Variants in KIRREL3 observed in about 807,000 individuals in gnomAD.
The protein encoded by KIRREL3 is kirre like nephrin family adhesion molecule 3.
KIRREL3 carries 36 observed loss-of-function variants against 89.7 expected under a neutral mutation model. The observed-to-expected ratio is 0.40, with a 90% CI of 0.31 to 0.53. The LOEUF (loss-of-function observed/expected upper bound fraction) is 0.53, where lower values mean the gene tolerates loss of function less well. KIRREL3 is among the 20% of genes least tolerant of loss of function. The probability of loss-of-function intolerance (pLI) is 0.49; values close to 1 mark genes in which losing one functional copy is unlikely to be tolerated. For missense variants in KIRREL3, 864 were observed against 1,056.6 expected, an observed-to-expected ratio of 0.82 and a Z score of 2.53; for synonymous variants, 445 against 441.4, an observed-to-expected ratio of 1.01 and a Z score of -0.10.
In KIRREL3 at chr11:126,640,644, C is replaced by T. The variant is rs1292760567; in HGVS notation, c.56-77732G>A. On this transcript the variant is annotated intron_variant, in intron 1 of 16. Transcript: ENST00000525144. This position sits in a 1 kb window ranked among gnomAD's most constrained non-coding sequence, Gnocchi z 4.9. ...CTTACAGCATGGTCTTAAAGAGACA[C>T]CCTCTCATATTACTTGCTGCTGTTT... 1.3e-5 allele frequency among the ~76,000 whole-genome samples: 2 copies of T among 152,010 alleles called. No individual in the cohort carries two copies. Among genetic ancestry groups the T allele is most frequent in the Non-Finnish European group, 2.9e-5 (2 of 68,018 alleles).
At chr11:126,823,232 C>G (rs1340981539) in intron 1 of KIRREL3, among the ~76,000 whole-genome samples, 1 of 152,164 alleles carries the variant, frequency 6.6e-6, no homozygotes, top group African/African-American at 2.4e-5. Flanking sequence ...CTTTCATATA[C>G]TTGATGTCTT....
rs1230829101 is a variant in KIRREL3 at position 126,812,181 on chromosome 11, TAAG to T, written c.55+188271_55+188273del. ...TAACCCATTCTTTCTATTGTGATCATAAGAAGAAGAAGGCCAAAGGATCATTAA... is the reference window on the plus strand; with the variant it reads ...TAACCCATTCTTTCTATTGTGATCATAAGAAGAAGGCCAAAGGATCATTAA... On this transcript the variant is annotated intron_variant, in intron 1 of 16. Transcript: ENST00000525144. The surrounding 1 kb of genome is among the most constrained non-coding windows in gnomAD (Gnocchi z 5.2). Among the ~76,000 whole-genome samples the T allele has an allele frequency of 3.3e-5, 5 of 152,312 alleles. No homozygotes were observed. Among genetic ancestry groups the T allele is most frequent in the East Asian group, 1.9e-4 (1 of 5,184 alleles).
intron 4 of KIRREL3, among the ~76,000 whole-genome samples, chr11:126,481,896 T>C (rs1448151971): frequency 1.3e-5 from 2 of 152,238 alleles, no homozygotes; most frequent in East Asian, 1.9e-4. Context: ...CATTGCCATC[T>C]AAATAGTCTG....
intron 1 of KIRREL3, among the ~76,000 whole-genome samples, chr11:126,693,927 C>A (rs1429101877): frequency 1.3e-5 from 2 of 152,220 alleles, no homozygotes; most frequent in Non-Finnish European, 2.9e-5. Flanking sequence ...AGATCCCACC[C>A]CTGTCTGCCC....
chr11:126,868,094 G>C (rs1008769842), intron 1 of KIRREL3, among the ~76,000 whole-genome samples: 1 of 151,630 alleles, frequency 6.6e-6, no homozygotes, highest in African/African-American at 2.4e-5. Context: ...GGGTGGGAGA[G>C]CATAGCCAGT....
chr11:126,513,975 C>T lies in KIRREL3; in HGVS notation c.433+7340G>A, dbSNP rs1167276538. 6.6e-6 allele frequency among the ~76,000 whole-genome samples: 1 copy of T among 152,142 alleles called. No individual in the cohort carries two copies. Among genetic ancestry groups the T allele is most frequent in the Non-Finnish European group, 1.5e-5 (1 of 68,024 alleles). On this transcript the variant is annotated intron_variant, in intron 4 of 16. Coordinates refer to ENST00000525144, the MANE Select transcript of KIRREL3 (RefSeq NM_032531.4). This position sits in a 1 kb window ranked among gnomAD's most constrained non-coding sequence, Gnocchi z 5.9. ...AGCTCTGCTCACTTTATCACCTGCC[C>T]AGCAGGTGAGCTCCGAGTTAGATGG...
rs1218384248 is a variant in KIRREL3, at chr11:126,736,721, C to A, written c.56-173809G>T. On this transcript the variant is annotated intron_variant, in intron 1 of 16. Transcript: ENST00000525144. The surrounding 1 kb of genome is among the most constrained non-coding windows in gnomAD (Gnocchi z 5.0). Reference sequence around the variant, plus strand: ...CGTCATTCGTGCTGAGGTTGAGAAACCCTGGTCTAGACCAATCTCCTGATT... The same window carrying A: ...CGTCATTCGTGCTGAGGTTGAGAAAACCTGGTCTAGACCAATCTCCTGATT... 6.6e-6 allele frequency among the ~76,000 whole-genome samples: 1 copy of A among 152,166 alleles called. No homozygotes were observed. Among genetic ancestry groups the A allele is most frequent in the African/African-American group, 2.4e-5 (1 of 41,422 alleles).
chr11:126,787,912 T>G (rs1950528700), intron 1 of KIRREL3, among the ~76,000 whole-genome samples: 1 of 152,206 alleles, frequency 6.6e-6, no homozygotes, highest in Middle Eastern at 3.2e-3. Context: ...AGTTTGTATT[T>G]ATCAAATATC....
rs1944232718 is a variant in KIRREL3 at position 126,635,590 on chromosome 11, G to GC, written c.56-72679dup. Among the ~76,000 whole-genome samples the GC allele has an allele frequency of 1.3e-5, 2 of 152,072 alleles. No individual in the cohort carries two copies. The highest frequency in any genetic ancestry group is 1.5e-5 in the Non-Finnish European group (1 of 68,016). On this transcript the variant is annotated intron_variant, in intron 1 of 16. Coordinates refer to ENST00000525144, the MANE Select transcript of KIRREL3 (RefSeq NM_032531.4). This position sits in a 1 kb window ranked among gnomAD's most constrained non-coding sequence, Gnocchi z 4.0. Reference sequence around the variant, plus strand: ...TCCCATTGTACACCCCCAGCAACGAGCCCCCCTGCCAGCCCAGAGTAACCA... The same window carrying GC: ...TCCCATTGTACACCCCCAGCAACGAGCCCCCCCTGCCAGCCCAGAGTAACCA...
In KIRREL3 at chr11:126,605,837, G is replaced by C. The variant is rs922169404; in HGVS notation, c.56-42925C>G. Reference sequence around the variant, plus strand: ...GGTCCCTCTTGGGAGTTAAGCAGAGGGAGTCCTCTCATTGCATCTTTCCTC... The same window carrying C: ...GGTCCCTCTTGGGAGTTAAGCAGAGCGAGTCCTCTCATTGCATCTTTCCTC... On this transcript the variant is annotated intron_variant, in intron 1 of 16. Coordinates refer to ENST00000525144, the MANE Select transcript of KIRREL3 (RefSeq NM_032531.4). This position sits in a 1 kb window ranked among gnomAD's most constrained non-coding sequence, Gnocchi z 5.7. 1.3e-5 allele frequency among the ~76,000 whole-genome samples: 2 copies of C among 152,194 alleles called. No individual in the cohort carries two copies. The highest frequency in any genetic ancestry group is 4.8e-5 in the African/African-American group (2 of 41,448).
chr11:126,603,864 G>A (rs1942770164), intron 1 of KIRREL3, among the ~76,000 whole-genome samples: 1 of 152,196 alleles, frequency 6.6e-6, no homozygotes. Context: ...CCGATACAAG[G>A]CTTTTTACCC....
intron 1 of KIRREL3, among the ~76,000 whole-genome samples, chr11:126,952,748 T>C (rs1308157776): frequency 6.6e-6 from 1 of 152,182 alleles, no homozygotes; most frequent in East Asian, 1.9e-4. Context: ...AATTTTTGTA[T>C]ATGGTGTAAG....
rs532437938 is a variant in KIRREL3, at chr11:126,719,238, A to G, written c.56-156326T>C. ...GAAACGGCTTCTTCCTAAATTACCAATGACTCCATGTTGACAAATCCAATG... is the reference window on the plus strand; with the variant it reads ...GAAACGGCTTCTTCCTAAATTACCAGTGACTCCATGTTGACAAATCCAATG... On this transcript the variant is annotated intron_variant, in intron 1 of 16. Coordinates refer to ENST00000525144, the MANE Select transcript of KIRREL3 (RefSeq NM_032531.4). The surrounding 1 kb of genome is among the most constrained non-coding windows in gnomAD (Gnocchi z 4.7). Among the ~76,000 whole-genome samples the G allele has an allele frequency of 1.6e-4, 25 of 152,252 alleles. No individual in the cohort carries two copies. Among genetic ancestry groups the G allele is most frequent in the African/African-American group, 5.1e-4 (21 of 41,544 alleles).
At position 126,436,956 on chromosome 11, in the gene KIRREL3, C is replaced by G. The variant is rs373003704; in HGVS notation, c.1407G>C (p.Thr469=). 2 of 1,599,390 alleles carry G rather than the reference C, an allele frequency of 1.3e-6. No individual in the cohort carries two copies. Among genetic ancestry groups the G allele is most frequent in the South Asian group, 1.1e-5 (1 of 89,968 alleles). The part of the protein sequence containing the change: ...VLESGTSGRY[T]VETISTEEGV... ...CCTCCTCGGTGCTGATGGTCTCCACCGTATAGCGCCCCGATGTGCCCGACT... is the reference window on the plus strand; with the variant it reads ...CCTCCTCGGTGCTGATGGTCTCCACGGTATAGCGCCCCGATGTGCCCGACT... Residue 469 remains threonine (T), a synonymous_variant, in exon 12 of 17, where the codon ACG becomes ACC. Coordinates refer to ENST00000525144, the MANE Select transcript of KIRREL3 (RefSeq NM_032531.4).
intron 4 of KIRREL3, among the ~76,000 whole-genome samples, chr11:126,481,860 C>T (rs1039093494): frequency 5.9e-5 from 9 of 152,196 alleles, no homozygotes; most frequent in Non-Finnish European, 1.2e-4. Flanking sequence ...TAGCATTCCT[C>T]TGTTTCAAAT....
In KIRREL3 at chr11:126,923,098, T is replaced by TCTTCTCCTTCTCCTTCTCCTTCTTCTC. The variant is rs1565422266; in HGVS notation, c.55+77356_55+77357insGAGAAGAAGGAGAAGGAGAAGGAGAAG. Among the ~76,000 whole-genome samples, 71 of 89,148 alleles carry TCTTCTCCTTCTCCTTCTCCTTCTTCTC rather than the reference T, an allele frequency of 8.0e-4. 1 individual carries two copies. Among genetic ancestry groups the TCTTCTCCTTCTCCTTCTCCTTCTTCTC allele is most frequent in the East Asian group, 2.1e-3 (8 of 3,752 alleles). The allele number at this position is 89,148 out of a possible 152,430, so 58.5% of individuals were successfully genotyped here. A position where few individuals can be genotyped will look rare whatever the true frequency, so the allele number is the denominator to read the frequency against. ...CTTGCCTTGTGGATCTTCTTCTTCT[T>TCTTCTCCTTCTCCTTCTCCTTCTTCTC]CTTCTCCTTCTCCTTCTCCTTCTCC... On this transcript the variant is annotated intron_variant, in intron 1 of 16. Coordinates refer to ENST00000525144, the MANE Select transcript of KIRREL3 (RefSeq NM_032531.4).
chr11:126,601,985 A>G lies in KIRREL3; in HGVS notation c.56-39073T>C, dbSNP rs892742294. Among the ~76,000 whole-genome samples the G allele has an allele frequency of 6.6e-6, 1 of 152,322 alleles. No individual in the cohort carries two copies. Among genetic ancestry groups the G allele is most frequent in the South Asian group, 2.1e-4 (1 of 4,828 alleles). On this transcript the variant is annotated intron_variant, in intron 1 of 16. Coordinates refer to ENST00000525144, the MANE Select transcript of KIRREL3 (RefSeq NM_032531.4). This position sits in a 1 kb window ranked among gnomAD's most constrained non-coding sequence, Gnocchi z 5.8. ...TTGATTTGCCTGACAGAGTCACAGAAGCTGACCGCTGCGAGGCAGGGGCTG... is the reference window on the plus strand; with the variant it reads ...TTGATTTGCCTGACAGAGTCACAGAGGCTGACCGCTGCGAGGCAGGGGCTG...
rs188753776 is a variant in KIRREL3 at position 126,425,509 on chromosome 11, C to T, written c.1893+129G>A. 6 of 807,452 alleles carry T rather than the reference C, an allele frequency of 7.4e-6. No individual in the cohort carries two copies. In the Admixed American group the frequency reaches 1.1e-4, roughly 15 times the overall value. 50.0% of individuals were successfully genotyped at this position (807,452 alleles called of 1,614,324 possible). On this transcript the variant is annotated intron_variant, in intron 16 of 16. Coordinates refer to ENST00000525144, the MANE Select transcript of KIRREL3 (RefSeq NM_032531.4). ...TGCCTTAGGCAGGGACGGGCACCTG[C>T]CACCAAGCTGGCCTCTGACCTTTTC...
chr11:126,984,171 A>G lies in KIRREL3; in HGVS notation c.55+16284T>C, dbSNP rs138523596. On this transcript the variant is annotated intron_variant, in intron 1 of 16. Transcript: ENST00000525144. ...TGGAGACACTGACCCAGAGGAAGGC[A>G]AGTACCTCACCTCTGAATAGTGCCC... 1.0e-3 allele frequency among the ~76,000 whole-genome samples: 153 copies of G among 152,286 alleles called. No individual in the cohort carries two copies. In the Middle Eastern group the frequency reaches 0.01, roughly 10 times the overall value.
Sources: allele counts gnomAD v4.1 joint callset (sites outside exome capture counted in the v4.1 genomes callset), GRCh38; gene constraint gnomAD v4.1.1; non-coding constraint Gnocchi (gnomAD v3.1); transcripts MANE v1.5; gene names NCBI Gene and HGNC (gene_info 2026-07-23, HGNC 2026-07-21).